Variants in GLI2 observed in about 807,000 individuals in gnomAD.
GLI2 encodes GLI family zinc finger 2.
GLI2 carries 22 observed loss-of-function variants against 78.9 expected under a neutral mutation model. The ratio of observed to expected loss-of-function variants is 0.28; its 90% CI spans 0.20 to 0.40. The LOEUF (loss-of-function observed/expected upper bound fraction) is 0.40, where lower values mean the gene tolerates loss of function less well. GLI2 is among the 10% of genes least tolerant of loss of function. GLI2 has a pLI of 1.00. For synonymous variants in GLI2, 974 were observed against 963.7 expected (o/e 1.01, Z -0.20); for missense variants, 2,097 against 2,213.2 (o/e 0.95, Z 1.05).
At chr2:120,941,278 A>T (rs902817824) in intron 3 of GLI2, among the ~76,000 whole-genome samples, 9 of 152,250 alleles carry the variant, frequency 5.9e-5, no homozygotes, top group African/African-American at 1.9e-4. Context: ...AAATCCCCTT[A>T]GTACATTTTG....
intron 3 of GLI2, among the ~76,000 whole-genome samples, chr2:120,934,156 C>G (rs980670747): frequency 4.6e-5 from 7 of 152,220 alleles, no homozygotes; most frequent in African/African-American, 1.7e-4. Flanking sequence ...TCCGGGAAAG[C>G]AGCCCCAGAG....
chr2:120,988,442 C>T lies in GLI2; in HGVS notation c.2477C>T (p.Ala826Val). ...TCCAGCGAGGCCTCGCCCCTGGGCG[C>T]CGGCCGCCCGCACAACGCGAGCTCC... The part of the protein sequence containing the change: ...RRSSEASPLG[A>V]GRPHNASSAD... The change falls in exon 14 of 14, where the codon GCC becomes GTC. Residue 826 changes from alanine (A) to valine (V), a missense_variant. Transcript: ENST00000361492. 6.4e-7 allele frequency: 1 copy of T among 1,572,974 alleles called. No individual in the cohort carries two copies. The highest frequency in any genetic ancestry group is 8.6e-7 in the Non-Finnish European group (1 of 1,169,172).
chr2:120,775,806 C>T (rs1683659435), intron 1 of GLI2, among the ~76,000 whole-genome samples: 1 of 152,140 alleles, frequency 6.6e-6, no homozygotes, highest in Admixed American at 6.5e-5. Context: ...GAGTGTTCCC[C>T]TGGGGGGAAT....
intron 1 of GLI2, among the ~76,000 whole-genome samples, chr2:120,744,962 G>C (rs1304159873): frequency 2.0e-5 from 3 of 152,226 alleles, no homozygotes; most frequent in Non-Finnish European, 2.9e-5. Flanking sequence ...TCAGATCTGG[G>C]ACAGTCCAGG....
chr2:120,896,677 A>C (rs58821136), intron 2 of GLI2, among the ~76,000 whole-genome samples: 69 of 75,694 alleles, frequency 9.1e-4, no homozygotes, highest in East Asian at 2.7e-3. Flanking sequence ...CCACCCCCCC[A>C]CACACTCACA....
At chr2:120,785,703 C>T (rs546040152) in intron 1 of GLI2, among the ~76,000 whole-genome samples, 90 of 152,344 alleles carry the variant, frequency 5.9e-4, no homozygotes, top group Non-Finnish European at 1.0e-3. Flanking sequence ...CTGCAGGTGG[C>T]TTGGATCCAT....
chr2:120,816,627 A>G (rs1412377156), intron 2 of GLI2, among the ~76,000 whole-genome samples: 1 of 146,492 alleles, frequency 6.8e-6, no homozygotes. Flanking sequence ...TATTATATTT[A>G]TGAAAAGAGC....
chr2:120,947,890 G>A (rs556663135), intron 3 of GLI2, among the ~76,000 whole-genome samples: 36 of 152,348 alleles, frequency 2.4e-4, no homozygotes, highest in African/African-American at 8.2e-4. Flanking sequence ...CCCCTCTTCA[G>A]GCCCGGCACT....
chr2:120,915,821 C>T (rs1679070365), intron 2 of GLI2, among the ~76,000 whole-genome samples: 1 of 152,144 alleles, frequency 6.6e-6, no homozygotes, highest in Non-Finnish European at 1.5e-5. Flanking sequence ...GGATGCCTTC[C>T]AAACCTGCAT....
intron 2 of GLI2, among the ~76,000 whole-genome samples, chr2:120,816,174 A>G (rs1196574297): frequency 6.7e-6 from 1 of 148,836 alleles, no homozygotes; most frequent in Non-Finnish European, 1.5e-5. Flanking sequence ...CTTAAAAATT[A>G]CTGAGGACCC....
chr2:120,902,188 C>G (rs1033117890), intron 2 of GLI2, among the ~76,000 whole-genome samples: 1 of 148,320 alleles, frequency 6.7e-6, no homozygotes, highest in African/African-American at 2.5e-5. Flanking sequence ...GACACCCACC[C>G]CCCCCCACCC....
intron 2 of GLI2, among the ~76,000 whole-genome samples, chr2:120,818,045 C>G (rs1238175661): frequency 1.3e-5 from 2 of 152,224 alleles, no homozygotes; most frequent in Non-Finnish European, 2.9e-5. Flanking sequence ...GTGCTCCACT[C>G]TTGCCTGTGC....
chr2:120,937,817 T>C (rs1680268139), intron 3 of GLI2, among the ~76,000 whole-genome samples: 1 of 152,164 alleles, frequency 6.6e-6, no homozygotes, highest in Admixed American at 6.5e-5. Flanking sequence ...GGAAAGGAAA[T>C]TCCACACACC....
chr2:120,851,266 T>A (rs933287433), intron 2 of GLI2, among the ~76,000 whole-genome samples: 2 of 152,218 alleles, frequency 1.3e-5, no homozygotes, highest in Non-Finnish European at 2.9e-5. Context: ...CCTGGGACCA[T>A]GGGCTGGGCC....
chr2:120,751,525 A>G (rs1362286414), intron 1 of GLI2, among the ~76,000 whole-genome samples: 1 of 152,224 alleles, frequency 6.6e-6, no homozygotes, highest in Admixed American at 6.5e-5. Context: ...GCTTATATAT[A>G]AATACTCTGA....
intron 1 of GLI2, among the ~76,000 whole-genome samples, chr2:120,754,881 T>C (rs991722837): frequency 1.5e-4 from 22 of 151,714 alleles, no homozygotes; most frequent in Non-Finnish European, 2.9e-4. Context: ...AGACAGAGTT[T>C]CACTCTTGTT....
chr2:120,879,155 G>A (rs925695640), intron 2 of GLI2, among the ~76,000 whole-genome samples: 1 of 152,198 alleles, frequency 6.6e-6, no homozygotes, highest in African/African-American at 2.4e-5. Flanking sequence ...TTCCCCAGGA[G>A]GGGCAGGGAC....
intron 2 of GLI2, among the ~76,000 whole-genome samples, chr2:120,839,236 G>A (rs1460941839): frequency 2.0e-5 from 3 of 152,110 alleles, no homozygotes; most frequent in East Asian, 3.9e-4. Flanking sequence ...TCAACGATAT[G>A]TTAAGGATTG....
chr2:120,870,595 G>A (rs1192386960), intron 2 of GLI2, among the ~76,000 whole-genome samples: 1 of 152,186 alleles, frequency 6.6e-6, no homozygotes, highest in Non-Finnish European at 1.5e-5. Context: ...TTCACGGATA[G>A]CGCTGGCTCA....
Sources: allele counts gnomAD v4.1 joint callset (sites outside exome capture counted in the v4.1 genomes callset), GRCh38; gene constraint gnomAD v4.1.1; transcripts MANE v1.5; gene names NCBI Gene and HGNC (gene_info 2026-07-23, HGNC 2026-07-21).